The following MCHR2 variants were observed in gnomAD, a reference collection of about 807,000 sequenced individuals.
MCHR2 encodes the protein melanin-concentrating hormone receptor 2.
In MCHR2, 15 loss-of-function variants were observed where a neutral mutation model predicts 24.8. That is an observed-to-expected ratio of 0.60 (90% CI 0.40 to 0.93). The LOEUF is 0.93. Ranked by LOEUF, MCHR2 falls within the 40% of genes least tolerant of loss-of-function variation. The pLI is 0.00. For missense variants in MCHR2, 386 were observed against 408.7 expected (o/e 0.94, Z 0.48); for synonymous variants, 151 against 147.6 (o/e 1.02, Z -0.17).
chr6:99,936,872 C>T (rs987515315), intron 4 of MCHR2, among the ~76,000 whole-genome samples: 9 of 151,462 alleles, frequency 5.9e-5, no homozygotes, highest in African/African-American at 2.2e-4. Flanking sequence ...TATTTATGTA[C>T]GTGTGTATTT....
At chr6:99,971,497 C>G (rs550962171) in intron 1 of MCHR2, among the ~76,000 whole-genome samples, 8 of 152,190 alleles carry the variant, frequency 5.3e-5, no homozygotes, top group Admixed American at 5.2e-4. Context: ...ACAATCACGA[C>G]ATCTGCAAAC....
At chr6:99,957,567 AC>A (rs1469622634) in intron 1 of MCHR2, among the ~76,000 whole-genome samples, 2 of 152,094 alleles carry the variant, frequency 1.3e-5, no homozygotes, top group Admixed American at 6.6e-5. Context: ...CTTTTCTAGT[AC>A]AATGGGGGAA....
intron 1 of MCHR2, among the ~76,000 whole-genome samples, chr6:99,981,492 A>G (rs1353516462): frequency 2.0e-5 from 3 of 152,190 alleles, no homozygotes; most frequent in Non-Finnish European, 4.4e-5. Flanking sequence ...GTGTGGTTAA[A>G]CATGGAGATG....
intron 2 of MCHR2, 35 bp from the exon 3 acceptor site, chr6:99,948,006 G>C: frequency 6.4e-7 from 1 of 1,567,890 alleles, no homozygotes; most frequent in Non-Finnish European, 8.8e-7. Flanking sequence ...GATTGACATT[G>C]AATGTATACA....
intron 1 of MCHR2, among the ~76,000 whole-genome samples, chr6:99,967,595 G>T (rs1413914661): frequency 6.6e-6 from 1 of 152,068 alleles, no homozygotes; most frequent in Non-Finnish European, 1.5e-5. Context: ...TGCTGGTTTT[G>T]TTACTATTTT....
intron 5 of MCHR2, 152 bp from the exon 6 acceptor site, chr6:99,921,407 A>G (rs971444639): frequency 8.4e-6 from 6 of 716,192 alleles, no homozygotes; most frequent in African/African-American, 1.8e-5. Context: ...GCATTGTGAT[A>G]TATTCTTTTT....
At chr6:99,980,577 A>G (rs1775648284) in intron 1 of MCHR2, among the ~76,000 whole-genome samples, 1 of 151,970 alleles carries the variant, frequency 6.6e-6, no homozygotes, top group African/African-American at 2.4e-5. Context: ...GCTCACGCAC[A>G]TGAGTGCAAG....
intron 2 of MCHR2, among the ~76,000 whole-genome samples, chr6:99,952,609 T>C (rs1276084465): frequency 1.3e-5 from 2 of 152,216 alleles, no homozygotes; most frequent in African/African-American, 2.4e-5. Context: ...AAGTAACAAA[T>C]AAAAGATCAT....
In MCHR2 at chr6:99,921,116, C is replaced by G; in HGVS notation, c.847G>C (p.Ala283Pro). The G allele has an allele frequency of 6.2e-7, 1 of 1,614,134 alleles. No individual in the cohort carries two copies. The highest frequency in any genetic ancestry group is 8.5e-7 in the Non-Finnish European group (1 of 1,180,018). The change falls in exon 6 of 6, where the codon GCC becomes CCC. Residue 283 changes from alanine (A) to proline (P), a missense_variant. Coordinates refer to ENST00000281806, the MANE Select transcript of MCHR2 (RefSeq NM_001040179.2). The stretch of plus-strand genomic sequence containing the variant: ...GAGAGGTAATAACCCACATAGAAGG[C>G]CAGTGTGGGCTGTTCCATCTGTAAG... Reference protein sequence around the residue: ...VNLQMEQPTLAFYVGYYLSIC... With the variant: ...VNLQMEQPTLPFYVGYYLSIC...
chr6:99,959,631 G>A (rs1775139171), intron 1 of MCHR2, among the ~76,000 whole-genome samples: 1 of 69,350 alleles, frequency 1.4e-5, no homozygotes, highest in Non-Finnish European at 3.4e-5. Flanking sequence ...GGAACAAAAT[G>A]AGAGTTTCAG....
At chr6:99,930,738 G>A (rs553209089) in intron 5 of MCHR2, among the ~76,000 whole-genome samples, 7 of 152,106 alleles carry the variant, frequency 4.6e-5, no homozygotes, top group South Asian at 2.1e-4. Context: ...TTATGCATTC[G>A]TCTAAATTTT....
intron 1 of MCHR2, among the ~76,000 whole-genome samples, chr6:99,970,178 A>G (rs1340510090): frequency 6.6e-6 from 1 of 151,234 alleles, no homozygotes; most frequent in African/African-American, 2.4e-5. Flanking sequence ...TCCCACCAAC[A>G]GTGTAAAAGT....
chr6:99,947,645 A>G (rs1774894417), intron 3 of MCHR2, 117 bp downstream of exon 3: 1 of 965,166 alleles, frequency 1.0e-6, no homozygotes, highest in Non-Finnish European at 1.6e-6. Context: ...CTACAGTGAA[A>G]CAAAGGAAGA....
chr6:99,918,974 C>T lies in MCHR2; in HGVS notation c.*1966G>A, dbSNP rs1435786864. On this transcript the variant is annotated 3_prime_UTR_variant, in exon 6 of 6. Transcript: ENST00000281806. ...ATAATATTTTTCTGTATTAAAAAAA[C>T]AATGAAAGTAAGCAATTGCTCTTCA... 4.6e-5 allele frequency among the ~76,000 whole-genome samples: 7 copies of T among 152,002 alleles called. No individual in the cohort carries two copies. The highest frequency in any genetic ancestry group is 1.5e-5 in the Non-Finnish European group (1 of 67,992).
At chr6:99,971,677 A>C (rs963300808) in intron 1 of MCHR2, among the ~76,000 whole-genome samples, 3 of 152,172 alleles carry the variant, frequency 2.0e-5, no homozygotes, top group Non-Finnish European at 4.4e-5. Flanking sequence ...TGCCCATTCA[A>C]CATGATATTT....
rs183116277 is a variant in MCHR2 at position 99,931,695 on chromosome 6, G to A, written c.707+2703C>T. ...CGTCTCCTAAGCCCGTCGGAAAAGC[G>A]CAGTATTAGGGTGGGAGTGACCCGA... On this transcript the variant is annotated intron_variant, in intron 5 of 5. Transcript: ENST00000281806. Among the ~76,000 whole-genome samples the A allele has an allele frequency of 1.4e-3, 211 of 152,274 alleles. 1 individual carries two copies. Among genetic ancestry groups the A allele is most frequent in the African/African-American group, 4.8e-3 (201 of 41,564 alleles).
intron 2 of MCHR2, 150 bp from the exon 3 acceptor site, chr6:99,948,121 G>C: frequency 3.1e-6 from 2 of 654,236 alleles, no homozygotes; most frequent in Admixed American, 3.1e-5. Flanking sequence ...GCCTAGTCTT[G>C]TGTGTATTTA....
At chr6:99,934,013 T>TA (rs1774598927) in intron 5 of MCHR2, among the ~76,000 whole-genome samples, 1 of 151,936 alleles carries the variant, frequency 6.6e-6, no homozygotes, top group African/African-American at 2.4e-5. Flanking sequence ...TCCTTTAAAT[T>TA]AAAAAAATTG....
At chr6:99,947,638 CA>C (rs67155463) in intron 3 of MCHR2, 123 bp downstream of exon 3, 284,127 of 885,900 alleles carry the variant, frequency 0.32, 51,458 homozygotes, top group East Asian at 0.77. Context: ...ATCAGTTCTA[CA>C]GTGAAACAAA....
Sources: allele counts gnomAD v4.1 joint callset (sites outside exome capture counted in the v4.1 genomes callset), GRCh38; gene constraint gnomAD v4.1.1; transcripts MANE v1.5; gene names NCBI Gene and HGNC (gene_info 2026-07-23, HGNC 2026-07-21).